The following GRM3 variants were observed in gnomAD, a reference collection of about 807,000 sequenced individuals.
GRM3 encodes metabotropic glutamate receptor 3.
GRM3 carries 26 observed loss-of-function variants against 70.5 expected under a neutral mutation model. That is an observed-to-expected ratio of 0.37 (90% CI 0.27 to 0.51). The LOEUF is 0.51. Among genes scored for constraint, GRM3 ranks in the 20% least tolerant of loss-of-function variants. The pLI, the probability that GRM3 is intolerant of heterozygous loss-of-function variation, is 0.93. For missense variants in GRM3, 859 were observed against 1,123.8 expected (o/e 0.76, Z 3.37); for synonymous variants, 443 against 434.9 (o/e 1.02, Z -0.23).
chr7:86,707,068 G>A (rs534747245), intron 1 of GRM3, among the ~76,000 whole-genome samples: 58 of 151,854 alleles, frequency 3.8e-4, no homozygotes, highest in Middle Eastern at 6.8e-3. Flanking sequence ...GCTAAAAACA[G>A]AAGTAATTTC....
rs182082043 is a variant in GRM3 at position 86,839,965 on chromosome 7, G to A, written c.2391+60G>A. On this transcript the variant is annotated intron_variant, in intron 4 of 5. Transcript: ENST00000361669. This position sits in a 1 kb window ranked among gnomAD's most constrained non-coding sequence, Gnocchi z 4.5. ...TTTCTCCTCCAGTGTTTCTTGTGTAGTATTTAAAATAGACTCCTTTTATTT... is the reference window on the plus strand; with the variant it reads ...TTTCTCCTCCAGTGTTTCTTGTGTAATATTTAAAATAGACTCCTTTTATTT... 1 of 986,164 alleles carries A rather than the reference G, an allele frequency of 1.0e-6. No homozygotes were observed. The allele number at this position is 986,164 out of a possible 1,614,324, so 61.1% of individuals were successfully genotyped here.
At chr7:86,668,274 T>G (rs1794081684) in intron 1 of GRM3, among the ~76,000 whole-genome samples, 1 of 152,134 alleles carries the variant, frequency 6.6e-6, no homozygotes, top group Non-Finnish European at 1.5e-5. Flanking sequence ...TCAAAATTTT[T>G]TTTTTTTGTT....
chr7:86,782,231 T>C (rs887964023), intron 2 of GRM3, among the ~76,000 whole-genome samples: 1 of 152,062 alleles, frequency 6.6e-6, no homozygotes, highest in Non-Finnish European at 1.5e-5. Context: ...CCATTGTGTG[T>C]TTTTCAAGAA....
rs747646627 is a variant in GRM3 at position 86,775,951 on chromosome 7, A to G, written c.469-10310A>G. The G allele has an allele frequency of 2.0e-5, 3 of 152,068 alleles. No homozygotes were observed. The South Asian group carries it at 6.2e-4, about 31-fold the overall frequency. 9.4% of individuals were successfully genotyped at this position (152,068 alleles called of 1,614,324 possible). A position where few individuals can be genotyped will look rare whatever the true frequency, so the allele number is the denominator to read the frequency against. On this transcript the variant is annotated intron_variant, in intron 2 of 5. Coordinates refer to ENST00000361669, the MANE Select transcript of GRM3 (RefSeq NM_000840.3). ...AGTTTGTATTCATACATACCTTAAA[A>G]TTGTATCCTTGGCTATGTTTCTTTG...
At chr7:86,787,514 G>T (rs1797287169) in intron 3 of GRM3, among the ~76,000 whole-genome samples, 1 of 152,142 alleles carries the variant, frequency 6.6e-6, no homozygotes, top group African/African-American at 2.4e-5. Flanking sequence ...TTCTTTGTGG[G>T]TGACTTGAGC....
At chr7:86,730,077 G>T (rs1795692778) in intron 1 of GRM3, among the ~76,000 whole-genome samples, 1 of 151,312 alleles carries the variant, frequency 6.6e-6, no homozygotes. Context: ...TCACACCATT[G>T]CACTCCAGCC....
At chr7:86,751,425 CT>C (rs1420394676) in intron 1 of GRM3, among the ~76,000 whole-genome samples, 1 of 152,106 alleles carries the variant, frequency 6.6e-6, no homozygotes, top group Admixed American at 6.6e-5. Flanking sequence ...CTCCTTGTAT[CT>C]TTAGAACCTA....
intron 3 of GRM3, 83 bp downstream of exon 3, chr7:86,787,199 G>A (rs1329952623): frequency 1.8e-6 from 2 of 1,125,548 alleles, no homozygotes; most frequent in African/African-American, 3.1e-5. Flanking sequence ...GCCCAATTCA[G>A]AAATAATTAT....
intron 2 of GRM3, among the ~76,000 whole-genome samples, chr7:86,779,912 G>A (rs763825462): frequency 5.9e-5 from 9 of 152,318 alleles, no homozygotes; most frequent in South Asian, 4.1e-4. Context: ...ACTACTGCAA[G>A]TAAAGCCCAT....
At chr7:86,668,297 A>G (rs1293761820) in intron 1 of GRM3, among the ~76,000 whole-genome samples, 1 of 151,894 alleles carries the variant, frequency 6.6e-6, no homozygotes, top group Non-Finnish European at 1.5e-5. Context: ...TTAGGCCATC[A>G]TTATGAACAA....
chr7:86,781,227 A>C (rs746643173), intron 2 of GRM3, among the ~76,000 whole-genome samples: 4 of 152,144 alleles, frequency 2.6e-5, no homozygotes, highest in Non-Finnish European at 5.9e-5. Context: ...GGATCTTTAA[A>C]AGGCTTCCCC....
chr7:86,661,091 CA>C (rs926233045), intron 1 of GRM3, among the ~76,000 whole-genome samples: 4 of 151,946 alleles, frequency 2.6e-5, no homozygotes, highest in African/African-American at 4.8e-5. Flanking sequence ...TCTAATGTTT[CA>C]GGCAAAAATC....
At chr7:86,781,170 T>C (rs527914151) in intron 2 of GRM3, among the ~76,000 whole-genome samples, 23 of 152,074 alleles carry the variant, frequency 1.5e-4, no homozygotes, top group African/African-American at 5.3e-4. Context: ...CTGCAACAAT[T>C]AGAACAGTAG....
intron 1 of GRM3, among the ~76,000 whole-genome samples, chr7:86,711,014 T>C (rs1795186285): frequency 6.6e-6 from 1 of 152,070 alleles, no homozygotes. Context: ...GTTGCTTCAC[T>C]TAACTTGTAA....
chr7:86,810,312 G>T (rs1266454045), intron 3 of GRM3, among the ~76,000 whole-genome samples: 2 of 151,838 alleles, frequency 1.3e-5, no homozygotes, highest in African/African-American at 4.8e-5. Context: ...TTAATATTTA[G>T]GAACATAGCA....
At chr7:86,698,520 TTATATA>T (rs570784350) in intron 1 of GRM3, among the ~76,000 whole-genome samples, 6 of 142,160 alleles carry the variant, frequency 4.2e-5, no homozygotes, top group Non-Finnish European at 9.1e-5. Context: ...TAAAAAGTAT[TTATATA>T]TATATATATA....
At chr7:86,662,220 A>G (rs1488432525) in intron 1 of GRM3, among the ~76,000 whole-genome samples, 2 of 152,012 alleles carry the variant, frequency 1.3e-5, no homozygotes, top group African/African-American at 4.8e-5. Flanking sequence ...TAACAGAACC[A>G]CAAATTATCT....
rs1244303688 is a variant in GRM3 at position 86,690,573 on chromosome 7, T to C, written c.-141+45701T>C. ...GAAATACAGAGGTTGGAAATCTGCC[T>C]TACTTATGTATTGTGTATAAGGGGT... is the stretch of plus-strand genomic sequence containing the variant. On this transcript the variant is annotated intron_variant, in intron 1 of 5. Transcript: ENST00000361669. 2.6e-5 allele frequency among the ~76,000 whole-genome samples: 4 copies of C among 152,200 alleles called. No individual in the cohort carries two copies. In the East Asian group the frequency reaches 7.7e-4, roughly 29 times the overall value.
chr7:86,727,334 C>T (rs573458497), intron 1 of GRM3, among the ~76,000 whole-genome samples: 4 of 152,266 alleles, frequency 2.6e-5, no homozygotes, highest in African/African-American at 9.6e-5. Flanking sequence ...CAGCCCCATT[C>T]ATATATATTC....
Sources: gnomAD v4.1 joint callset for allele counts (sites outside exome capture counted in the v4.1 genomes callset) on GRCh38, gnomAD v4.1.1 for gene constraint, Gnocchi (gnomAD v3.1) non-coding constraint, MANE v1.5 for transcripts, NCBI Gene and HGNC (gene_info 2026-07-23, HGNC 2026-07-21) for gene names.